HDAC4: variants seen among roughly 807,000 people sequenced by gnomAD.
HDAC4 encodes histone deacetylase A.
In HDAC4, 16 loss-of-function variants were observed where a neutral mutation model predicts 135.1. The observed-to-expected ratio is 0.12, with a 90% CI of 0.08 to 0.18. The LOEUF is 0.18. HDAC4 is among the 10% of genes least tolerant of loss of function. The pLI is 1.00. For missense variants in HDAC4, 1,143 were observed against 1,511.8 expected (o/e 0.76, Z 4.05); for synonymous variants, 685 against 653.4 (o/e 1.05, Z -0.74).
chr2:239,085,041 GACACACACACAC>G (rs139333488), intron 19 of HDAC4, among the ~76,000 whole-genome samples: 2 of 138,782 alleles, frequency 1.4e-5, no homozygotes, highest in East Asian at 2.2e-4. Context: ...GAGACAGACA[GACACACACACAC>G]ACACACACAC....
chr2:239,153,324 A>G (rs1320649355), intron 7 of HDAC4, among the ~76,000 whole-genome samples: 1 of 152,246 alleles, frequency 6.6e-6, no homozygotes, highest in Non-Finnish European at 1.5e-5. Flanking sequence ...CCGGGTCAGG[A>G]TAAGTTAATG....
At chr2:239,122,245 C>T (rs1267403094) in intron 12 of HDAC4, among the ~76,000 whole-genome samples, 1 of 152,216 alleles carries the variant, frequency 6.6e-6, no homozygotes, top group Non-Finnish European at 1.5e-5. Context: ...GGTTCTTGTG[C>T]AGAGTCCAGA....
At chr2:239,336,260 G>A (rs934241058) in intron 2 of HDAC4, among the ~76,000 whole-genome samples, 11 of 152,190 alleles carry the variant, frequency 7.2e-5, no homozygotes, top group African/African-American at 2.7e-4. Flanking sequence ...GCTTCTGGGT[G>A]TTGGGATGTC....
intron 2 of HDAC4, among the ~76,000 whole-genome samples, chr2:239,256,910 G>A (rs1004746548): frequency 2.0e-5 from 3 of 152,088 alleles, no homozygotes; most frequent in South Asian, 2.1e-4. Flanking sequence ...ACTGCTAATC[G>A]GATCCACTAG....
At chr2:239,086,495 G>A (rs1038497167) in intron 19 of HDAC4, among the ~76,000 whole-genome samples, 9 of 151,302 alleles carry the variant, frequency 5.9e-5, no homozygotes, top group Non-Finnish European at 1.2e-4. Context: ...CCCTGCACAC[G>A]AAGGAGACTC....
chr2:239,374,678 C>A (rs1258381337), intron 1 of HDAC4, among the ~76,000 whole-genome samples: 1 of 152,158 alleles, frequency 6.6e-6, no homozygotes, highest in African/African-American at 2.4e-5. Context: ...GCTGGGATTA[C>A]AGGCGTGAGC....
intron 7 of HDAC4, among the ~76,000 whole-genome samples, chr2:239,154,383 G>A (rs558159533): frequency 2.0e-5 from 3 of 152,300 alleles, no homozygotes; most frequent in African/African-American, 7.2e-5. Context: ...CAGACCCACT[G>A]TGCTGATGAG....
intron 2 of HDAC4, among the ~76,000 whole-genome samples, chr2:239,241,302 G>A (rs1332666503): frequency 6.6e-6 from 1 of 152,170 alleles, no homozygotes; most frequent in African/African-American, 2.4e-5. Flanking sequence ...TCCACCCTTG[G>A]GACCTGCCTG....
rs1447219187 is a variant in HDAC4, at chr2:239,240,153, T to C, written c.23-3489A>G. 1.3e-5 allele frequency among the ~76,000 whole-genome samples: 2 copies of C among 152,170 alleles called. No individual in the cohort carries two copies. Among genetic ancestry groups the C allele is most frequent in the African/African-American group, 4.8e-5 (2 of 41,454 alleles). ...AGAGGTGGCTGGTGGAACACAATCC[T>C]GGGGGTAAAGCAGTGGCGGTGAGTG... On this transcript the variant is annotated intron_variant, in intron 2 of 26. Transcript: ENST00000543185. This position sits in a 1 kb window ranked among gnomAD's most constrained non-coding sequence, Gnocchi z 4.5.
intron 1 of HDAC4, among the ~76,000 whole-genome samples, chr2:239,356,913 C>T (rs576085480): frequency 1.1e-4 from 16 of 152,090 alleles, no homozygotes; most frequent in Middle Eastern, 6.8e-3. Flanking sequence ...AAGAAATGGA[C>T]AAATCTACAA....
rs1297580491 is a variant in HDAC4, at chr2:239,167,896, T to A, written c.491-3973A>T. Among the ~76,000 whole-genome samples, 3 of 129,906 alleles carry A rather than the reference T, an allele frequency of 2.3e-5. No individual in the cohort carries two copies. Among genetic ancestry groups the A allele is most frequent in the East Asian group, 4.6e-4 (2 of 4,390 alleles). The allele number at this position is 129,906 out of a possible 152,430, so 85.2% of individuals were successfully genotyped here. ...GGGGGCAGAGAGTGCACCCGAGACCTAAGGAATGAGCGAGCAACAGCTGAG... is the reference window on the plus strand; with the variant it reads ...GGGGGCAGAGAGTGCACCCGAGACCAAAGGAATGAGCGAGCAACAGCTGAG... On this transcript the variant is annotated intron_variant, in intron 5 of 26. Transcript: ENST00000543185. This position sits in a 1 kb window ranked among gnomAD's most constrained non-coding sequence, Gnocchi z 4.1.
intron 12 of HDAC4, among the ~76,000 whole-genome samples, chr2:239,125,811 C>T (rs2040144956): frequency 6.6e-6 from 1 of 152,262 alleles, no homozygotes; most frequent in African/African-American, 2.4e-5. Context: ...GAGTGACTTT[C>T]AAGATGTCTG....
intron 4 of HDAC4, among the ~76,000 whole-genome samples, chr2:239,179,551 C>G (rs1025802810): frequency 4.6e-5 from 7 of 152,206 alleles, no homozygotes; most frequent in African/African-American, 1.7e-4. Context: ...TCCTGCGTCC[C>G]CCACCCCTGT....
intron 2 of HDAC4, among the ~76,000 whole-genome samples, chr2:239,282,397 A>G (rs1244986686): frequency 6.7e-6 from 1 of 150,328 alleles, no homozygotes; most frequent in Non-Finnish European, 1.5e-5. Context: ...CACACAATGT[A>G]CACACCACTC....
intron 1 of HDAC4, among the ~76,000 whole-genome samples, chr2:239,384,784 G>T (rs900584345): frequency 1.3e-5 from 2 of 152,152 alleles, no homozygotes; most frequent in East Asian, 1.9e-4. Context: ...CTAAAATGCC[G>T]ATTTGTATTC....
chr2:239,235,191 C>T (rs1315223036), intron 3 of HDAC4, among the ~76,000 whole-genome samples: 2 of 151,286 alleles, frequency 1.3e-5, no homozygotes, highest in East Asian at 3.9e-4. Context: ...AAGGAGCCCC[C>T]CGAACACCCC....
intron 6 of HDAC4, among the ~76,000 whole-genome samples, chr2:239,160,509 C>T (rs1227777295): frequency 6.6e-6 from 1 of 151,314 alleles, no homozygotes; most frequent in Admixed American, 6.6e-5. Context: ...GCCTCCCAGC[C>T]CTGGTCTGCT....
Position 239,303,835 on chromosome 2 carries a change from C to T in HDAC4, c.22+48843G>A, listed in dbSNP as rs1347946654. 6.6e-6 allele frequency among the ~76,000 whole-genome samples: 1 copy of T among 152,184 alleles called. No individual in the cohort carries two copies. Among genetic ancestry groups the T allele is most frequent in the Non-Finnish European group, 1.5e-5 (1 of 68,034 alleles). Reference sequence around the variant, plus strand: ...GCCTATGCTCTCATGAAGCCCCGTGCCAAGGGCTTCTCCGGGACCCCAGAT... The same window carrying T: ...GCCTATGCTCTCATGAAGCCCCGTGTCAAGGGCTTCTCCGGGACCCCAGAT... On this transcript the variant is annotated intron_variant, in intron 2 of 26. Transcript: ENST00000543185. This position sits in a 1 kb window ranked among gnomAD's most constrained non-coding sequence, Gnocchi z 5.1.
chr2:239,314,971 C>CT (rs1462874851), intron 2 of HDAC4, among the ~76,000 whole-genome samples: 1 of 152,156 alleles, frequency 6.6e-6, no homozygotes, highest in Non-Finnish European at 1.5e-5. Context: ...AGAACAGACT[C>CT]TTTAAGTCTG....
Sources: gnomAD v4.1 joint callset for allele counts (sites outside exome capture counted in the v4.1 genomes callset) on GRCh38, gnomAD v4.1.1 for gene constraint, Gnocchi (gnomAD v3.1) non-coding constraint, MANE v1.5 for transcripts, NCBI Gene and HGNC (gene_info 2026-07-23, HGNC 2026-07-21) for gene names.